Variants in LY86 observed in about 807,000 individuals in gnomAD.
The protein encoded by LY86 is MD-1, RP105-associated.
LY86 carries 20 observed loss-of-function variants against 17.3 expected under a neutral mutation model. That is an observed-to-expected ratio of 1.15 (90% CI 0.81 to 1.68). The LOEUF (loss-of-function observed/expected upper bound fraction) is 1.68, where lower values mean the gene tolerates loss of function less well. LY86 is among the 40% of genes most tolerant of loss of function. LY86 has a pLI of 0.00. For missense variants in LY86, 200 were observed against 191.9 expected (o/e 1.04, Z -0.25); for synonymous variants, 74 against 70.6 (o/e 1.05, Z -0.24).
chr6:6,607,830 G>A (rs1288868704), intron 1 of LY86, among the ~76,000 whole-genome samples: 1 of 152,126 alleles, frequency 6.6e-6, no homozygotes, highest in Non-Finnish European at 1.5e-5. Flanking sequence ...AACCCGGGAG[G>A]CAAAGGTTGC....
Position 6,626,440 on chromosome 6 carries a change from T to C in LY86, c.352+19T>C, listed in dbSNP as rs1321184220. 6.2e-7 allele frequency: 1 copy of C among 1,612,872 alleles called. No homozygotes were observed. Reference sequence around the variant, plus strand: ...AAAGGAGGTAAGCCATCTGTCTTGCTCACTGCTGGCAGGGGCCTGCAGAGA... The same window carrying C: ...AAAGGAGGTAAGCCATCTGTCTTGCCCACTGCTGGCAGGGGCCTGCAGAGA... On this transcript the variant is annotated intron_variant, in intron 3 of 4. Coordinates refer to ENST00000230568, the MANE Select transcript of LY86 (RefSeq NM_004271.4).
chr6:6,593,399 CAA>C (rs1238691597), intron 1 of LY86, among the ~76,000 whole-genome samples: 3 of 141,202 alleles, frequency 2.1e-5, no homozygotes, highest in East Asian at 2.3e-4. Flanking sequence ...ATCACATCTG[CAA>C]AGTCTCTTTT....
At chr6:6,643,749 C>T (rs373705967) in intron 3 of LY86, among the ~76,000 whole-genome samples, 9 of 152,196 alleles carry the variant, frequency 5.9e-5, no homozygotes, top group African/African-American at 2.2e-4. Context: ...CGAACACACA[C>T]GTGCAGGCAC....
chr6:6,647,041 A>T (rs1762117081), intron 3 of LY86, among the ~76,000 whole-genome samples: 1 of 152,228 alleles, frequency 6.6e-6, no homozygotes, highest in Non-Finnish European at 1.5e-5. Flanking sequence ...GGCACTCGCC[A>T]TCTAGTGCCC....
At chr6:6,603,011 G>A (rs1760961039) in intron 1 of LY86, among the ~76,000 whole-genome samples, 1 of 152,146 alleles carries the variant, frequency 6.6e-6, no homozygotes, top group South Asian at 2.1e-4. Context: ...AGGCCAGGGA[G>A]TCGGAGATCA....
intron 1 of LY86, 37 bp downstream of exon 1, chr6:6,588,907 G>T: frequency 1.3e-6 from 2 of 1,598,808 alleles, no homozygotes; most frequent in Non-Finnish European, 8.5e-7. Context: ...TGTTTATGGG[G>T]AAAGCAAGGC....
chr6:6,592,624 G>A (rs1025598554), intron 1 of LY86, among the ~76,000 whole-genome samples: 2 of 152,158 alleles, frequency 1.3e-5, no homozygotes, highest in Admixed American at 1.3e-4. Context: ...AGAAGGTGGG[G>A]CCTTTAGGAA....
intron 3 of LY86, among the ~76,000 whole-genome samples, chr6:6,637,701 G>A (rs1179680246): frequency 6.6e-6 from 1 of 152,070 alleles, no homozygotes; most frequent in Non-Finnish European, 1.5e-5. Flanking sequence ...GTGTGAGCCC[G>A]GAGCCCCCCA....
intron 1 of LY86, among the ~76,000 whole-genome samples, chr6:6,612,106 G>C (rs375001393): frequency 6.6e-6 from 1 of 152,216 alleles, no homozygotes. Context: ...AAAGCAAGCT[G>C]ATTATTTCCA....
At chr6:6,599,142 C>A (rs1760818752) in intron 1 of LY86, among the ~76,000 whole-genome samples, 1 of 152,196 alleles carries the variant, frequency 6.6e-6, no homozygotes, top group Non-Finnish European at 1.5e-5. Context: ...TACTTGGAAT[C>A]TCCAAATAAC....
intron 3 of LY86, among the ~76,000 whole-genome samples, chr6:6,630,601 A>G (rs985273606): frequency 1.2e-4 from 19 of 152,234 alleles, no homozygotes; most frequent in African/African-American, 4.6e-4. Flanking sequence ...TCCTAGCCCA[A>G]AGGAGGGAAG....
rs1027895671 is a variant in LY86, at chr6:6,589,007, G to A, written c.136+137G>A. Reference sequence around the variant, plus strand: ...TGAACACTTTCTCCACCTGCAGCAGGTCTGGGAGGGCCACTGGGAGCTTTT... The same window carrying A: ...TGAACACTTTCTCCACCTGCAGCAGATCTGGGAGGGCCACTGGGAGCTTTT... On this transcript the variant is annotated intron_variant, in intron 1 of 4. Transcript: ENST00000230568. The A allele has an allele frequency of 3.3e-5, 39 of 1,172,304 alleles. No individual in the cohort carries two copies. In the African/African-American group the frequency reaches 5.5e-4, roughly 17 times the overall value. The allele number at this position is 1,172,304 out of a possible 1,614,324, so 72.6% of individuals were successfully genotyped here. A position where few individuals can be genotyped will look rare whatever the true frequency, so the allele number is the denominator to read the frequency against.
At chr6:6,649,493 ACATTTCTAGCAAT>A in intron 3 of LY86, 119 bp from the exon 4 acceptor site, 7 of 453,976 alleles carry the variant, frequency 1.5e-5, no homozygotes, top group South Asian at 1.4e-4. Flanking sequence ...GGAAATGAAA[ACATTTCTAGCAAT>A]AGCTGCTCTT....
chr6:6,643,483 G>T (rs185640323), intron 3 of LY86, among the ~76,000 whole-genome samples: 3 of 152,344 alleles, frequency 2.0e-5, no homozygotes, highest in African/African-American at 7.2e-5. Flanking sequence ...AAGAGTAGAT[G>T]AGTGGTTGGC....
chr6:6,602,893 C>A (rs554657450), intron 1 of LY86, among the ~76,000 whole-genome samples: 1 of 152,274 alleles, frequency 6.6e-6, no homozygotes, highest in Admixed American at 6.5e-5. Context: ...AGGAAGAAAT[C>A]TTTGAGGAAA....
intron 1 of LY86, among the ~76,000 whole-genome samples, chr6:6,605,062 G>T (rs773364355): frequency 6.7e-6 from 1 of 149,582 alleles, no homozygotes; most frequent in African/African-American, 2.4e-5. Flanking sequence ...TTGCCACCGA[G>T]ACTCTCACTA....
chr6:6,640,174 C>G (rs1366373438), intron 3 of LY86, among the ~76,000 whole-genome samples: 1 of 152,120 alleles, frequency 6.6e-6, no homozygotes, highest in Non-Finnish European at 1.5e-5. Context: ...TGTGCTGTGC[C>G]CATTCTTGGC....
chr6:6,595,354 G>A (rs76603164), intron 1 of LY86, among the ~76,000 whole-genome samples: 1,383 of 89,764 alleles, frequency 0.015, 15 homozygotes, highest in South Asian at 0.047. Flanking sequence ...AAGCAGGAGA[G>A]GAGAAGGGGA....
rs150681249 is a variant in LY86, at chr6:6,641,358, A to G, written c.353-8267A>G. Among the ~76,000 whole-genome samples, 162 of 152,286 alleles carry G rather than the reference A, an allele frequency of 1.1e-3. 1 individual carries two copies. Among genetic ancestry groups the G allele is most frequent in the African/African-American group, 3.7e-3 (152 of 41,552 alleles). Reference sequence around the variant, plus strand: ...TTCAGGGACAGTAACTCTCCATCCAACTGAATGAAGAAAACAAAGACAGAG... The same window carrying G: ...TTCAGGGACAGTAACTCTCCATCCAGCTGAATGAAGAAAACAAAGACAGAG... On this transcript the variant is annotated intron_variant, in intron 3 of 4. Transcript: ENST00000230568.
Sources: gnomAD v4.1 joint callset for allele counts (sites outside exome capture counted in the v4.1 genomes callset) on GRCh38, gnomAD v4.1.1 for gene constraint, MANE v1.5 for transcripts, NCBI Gene and HGNC (gene_info 2026-07-23, HGNC 2026-07-21) for gene names.